MGAM2: variants seen among roughly 807,000 people sequenced by gnomAD.
The protein encoded by MGAM2 is maltase-glucoamylase 2 (putative).
Under a neutral mutation model 96.1 loss-of-function variants are expected in MGAM2, and 98 were observed. The observed-to-expected ratio is 1.02, with a 90% CI of 0.87 to 1.21. The LOEUF (loss-of-function observed/expected upper bound fraction) is 1.21. MGAM2 is among the 50% of genes most tolerant of loss of function. The pLI, the probability that MGAM2 is intolerant of heterozygous loss-of-function variation, is 0.00. For synonymous variants in MGAM2, 749 were observed against 414.8 expected, an observed-to-expected ratio of 1.81 and a Z score of -9.79; for missense variants, 2,055 against 1,182.4, an observed-to-expected ratio of 1.74 and a Z score of -10.82.
At chr7:142,212,631 G>A (rs1367362669) in intron 46 of MGAM2, among the ~76,000 whole-genome samples, 3 of 152,122 alleles carry the variant, frequency 2.0e-5, no homozygotes, top group Non-Finnish European at 2.9e-5. Flanking sequence ...AATGTTAAGA[G>A]CTAACTACCA....
intron 45 of MGAM2, among the ~76,000 whole-genome samples, chr7:142,204,549 G>C (rs149040974): frequency 2.7e-3 from 417 of 151,938 alleles, no homozygotes; most frequent in Non-Finnish European, 4.4e-3. Context: ...ATATCTTCTG[G>C]AAAATTACTT....
chr7:142,116,335 C>A (rs1052397765), intron 1 of MGAM2, among the ~76,000 whole-genome samples: 24 of 152,304 alleles, frequency 1.6e-4, no homozygotes, highest in African/African-American at 5.3e-4. Context: ...AAGACTTATG[C>A]TGGGTATCAG....
rs545693214 is a variant in MGAM2, at chr7:142,197,375, A to G, written c.4633-25A>G. 57 of 702,032 alleles carry G rather than the reference A, an allele frequency of 8.1e-5. No homozygotes were observed. The African/African-American group carries it at 9.1e-4, about 11-fold the overall frequency. 43.5% of individuals were successfully genotyped at this position (702,032 alleles called of 1,614,324 possible). The stretch of plus-strand genomic sequence containing the variant: ...GGATGGAATGAAGAAGAGGTGATCC[A>G]TTATATGCTTCTTTATCCTTACAGA... On this transcript the variant is annotated intron_variant, in intron 40 of 47. Transcript: ENST00000477922.
intron 37 of MGAM2, among the ~76,000 whole-genome samples, chr7:142,191,316 T>C (rs1185928992): frequency 6.6e-6 from 1 of 152,218 alleles, no homozygotes; most frequent in Non-Finnish European, 1.5e-5. Context: ...TACTTACTTA[T>C]TCATTTGTCA....
At position 142,198,651 on chromosome 7, in the gene MGAM2, C is replaced by T. The variant is rs913676771; in HGVS notation, c.4960C>T (p.Leu1654=). 1.4e-6 allele frequency: 1 copy of T among 703,356 alleles called. No individual in the cohort carries two copies. The allele number at this position is 703,356 out of a possible 1,614,324, so 43.6% of individuals were successfully genotyped here. ...CACATCAACAGGTCAGAGGAAAATC[C>T]TGAAGGCTCCCCTTGACCACATCAA... is the stretch of plus-strand genomic sequence containing the variant. ...SSTSTGQRKI[L]KAPLDHINLH... Residue 1654 remains leucine, a synonymous_variant, in exon 44 of 48, where the codon CTG becomes TTG. Coordinates refer to ENST00000477922, the MANE Select transcript of MGAM2 (RefSeq NM_001293626.2).
intron 46 of MGAM2, among the ~76,000 whole-genome samples, chr7:142,212,994 G>A (rs1215627293): frequency 4.6e-5 from 7 of 152,084 alleles, no homozygotes; most frequent in East Asian, 3.9e-4. Context: ...CTCTCAGACC[G>A]CAGTGCAATC....
rs887649193 is a variant in MGAM2, at chr7:142,131,077, C to T, written c.310+6C>T. 1.4e-6 allele frequency: 1 copy of T among 702,296 alleles called. No individual in the cohort carries two copies. The highest frequency in any genetic ancestry group is 2.7e-5 in the East Asian group (1 of 37,272). 43.5% of individuals were successfully genotyped at this position (702,296 alleles called of 1,614,324 possible). A position where few individuals can be genotyped will look rare whatever the true frequency, so the allele number is the denominator to read the frequency against. ...CCATACAAATACAAGCACAGGTGAGCACTGCCCTGATGTTGCGCCTGGGAA... is the reference window on the plus strand; with the variant it reads ...CCATACAAATACAAGCACAGGTGAGTACTGCCCTGATGTTGCGCCTGGGAA... On this transcript the variant is annotated splice_donor_region_variant and intron_variant, in intron 4 of 47. Transcript: ENST00000477922.
chr7:142,203,540 A>G (rs1209311310), intron 45 of MGAM2, among the ~76,000 whole-genome samples: 1 of 152,166 alleles, frequency 6.6e-6, no homozygotes, highest in Admixed American at 6.5e-5. Context: ...CCAAATAGCC[A>G]AAGCAATCCT....
chr7:142,192,379 T>C (rs1281436566), intron 37 of MGAM2, among the ~76,000 whole-genome samples: 1 of 152,072 alleles, frequency 6.6e-6, no homozygotes, highest in Non-Finnish European at 1.5e-5. Context: ...ACAAAACAAA[T>C]AGGTGTTTTG....
At position 142,137,474 on chromosome 7, in the gene MGAM2, A is replaced by T; in HGVS notation, c.889A>T (p.Ile297Phe). ...AGCTCCTGCGATCACTTATCGCACGATTGGAGGCATTCTTGACTTTTACGT... is the reference window on the plus strand; with the variant it reads ...AGCTCCTGCGATCACTTATCGCACGTTTGGAGGCATTCTTGACTTTTACGT... ...QPAPAITYRT[I>F]GGILDFYVFL... is the part of the protein sequence containing the mutation. Residue 297 changes from isoleucine (I) to phenylalanine (F), a missense_variant, in exon 9 of 48, where the codon ATT (isoleucine) becomes TTT (phenylalanine). Ile to Phe is a conservative substitution (Grantham distance 21). Transcript: ENST00000477922. 1 of 702,332 alleles carries T rather than the reference A, an allele frequency of 1.4e-6. No homozygotes were observed. Among genetic ancestry groups the T allele is most frequent in the Non-Finnish European group, 2.6e-6 (1 of 384,560 alleles). The allele number at this position is 702,332 out of a possible 1,614,324, so 43.5% of individuals were successfully genotyped here.
At chr7:142,197,577 T>C (rs1169685519) in intron 41 of MGAM2, 29 bp downstream of exon 41, 1 of 703,126 alleles carries the variant, frequency 1.4e-6, no homozygotes, top group South Asian at 1.5e-5. Context: ...CCCAAGCATG[T>C]CTTGCAAATA....
At chr7:142,149,817 A>G (rs1795511479) in intron 15 of MGAM2, among the ~76,000 whole-genome samples, 1 of 152,190 alleles carries the variant, frequency 6.6e-6, no homozygotes, top group Non-Finnish European at 1.5e-5. Context: ...CTGGGATTAC[A>G]GGCGTGAGCC....
At chr7:142,193,913 C>T (rs986674159) in intron 37 of MGAM2, among the ~76,000 whole-genome samples, 7 of 152,204 alleles carry the variant, frequency 4.6e-5, no homozygotes, top group Non-Finnish European at 1.0e-4. Flanking sequence ...AGCCTCAAAC[C>T]TAGAATTGCC....
Position 142,198,598 on chromosome 7 carries a change from T to G in MGAM2, c.4924-17T>G, listed in dbSNP as rs534847667. 1 of 701,070 alleles carries G rather than the reference T, an allele frequency of 1.4e-6. No homozygotes were observed. Among genetic ancestry groups the G allele is most frequent in the Non-Finnish European group, 2.6e-6 (1 of 384,252 alleles). The allele number at this position is 701,070 out of a possible 1,614,324, so 43.4% of individuals were successfully genotyped here. On this transcript the variant is annotated splice_polypyrimidine_tract_variant and intron_variant, in intron 43 of 47. Transcript: ENST00000477922. ...TATTTATCTCTCGCCATTTTTTGCCTGTATTCTCCTTTCTAGGGAACTAGC... is the reference window on the plus strand; with the variant it reads ...TATTTATCTCTCGCCATTTTTTGCCGGTATTCTCCTTTCTAGGGAACTAGC...
At chr7:142,141,497 A>T (rs1018454549) in intron 12 of MGAM2, among the ~76,000 whole-genome samples, 3 of 151,908 alleles carry the variant, frequency 2.0e-5, no homozygotes, top group African/African-American at 7.3e-5. Flanking sequence ...ATTTTTTTTA[A>T]GTTTTAATTT....
intron 6 of MGAM2, among the ~76,000 whole-genome samples, chr7:142,133,293 A>G (rs917293775): frequency 3.5e-4 from 51 of 146,360 alleles, no homozygotes; most frequent in African/African-American, 1.2e-3. Context: ...ATATTTAAAT[A>G]TATAGTATAT....
intron 15 of MGAM2, among the ~76,000 whole-genome samples, chr7:142,153,464 T>C (rs1426831543): frequency 6.6e-6 from 1 of 152,202 alleles, no homozygotes; most frequent in Non-Finnish European, 1.5e-5. Flanking sequence ...AGATTAAAAT[T>C]TGCTAACATT....
At chr7:142,170,401 A>C (rs1340283895) in intron 27 of MGAM2, among the ~76,000 whole-genome samples, 172 bp downstream of exon 27, 1 of 152,206 alleles carries the variant, frequency 6.6e-6, no homozygotes, top group Non-Finnish European at 1.5e-5. Flanking sequence ...TTGGTTAGTC[A>C]TTAACAAAAA....
intron 15 of MGAM2, among the ~76,000 whole-genome samples, chr7:142,147,909 AT>A (rs61649542): frequency 0.48 from 72,546 of 151,914 alleles, 17,995 homozygotes; most frequent in Admixed American, 0.57. Flanking sequence ...GCAAATAAAA[AT>A]ACAGGACACC....
Sources: allele counts gnomAD v4.1 joint callset (sites outside exome capture counted in the v4.1 genomes callset), GRCh38; gene constraint gnomAD v4.1.1; transcripts MANE v1.5; gene names NCBI Gene and HGNC (gene_info 2026-07-23, HGNC 2026-07-21).